Variants in PTPRZ1 observed in about 807,000 individuals in gnomAD.
PTPRZ1 encodes receptor-type tyrosine-protein phosphatase zeta.
A neutral mutation model predicts 214.1 loss-of-function variants in PTPRZ1; 82 were observed. The ratio of observed to expected loss-of-function variants is 0.38; its 90% CI spans 0.32 to 0.46. The LOEUF is 0.46. Ranked by LOEUF, PTPRZ1 falls within the 20% of genes least tolerant of loss-of-function variation. The pLI, the probability that PTPRZ1 is intolerant of heterozygous loss-of-function variation, is 1.00. For missense variants in PTPRZ1, 2,603 were observed against 2,748.7 expected, an observed-to-expected ratio of 0.95 and a Z score of 1.19; for synonymous variants, 945 against 987.9, an observed-to-expected ratio of 0.96 and a Z score of 0.81.
At chr7:121,876,147 A>C (rs1468870170) in intron 1 of PTPRZ1, among the ~76,000 whole-genome samples, 1 of 152,206 alleles carries the variant, frequency 6.6e-6, no homozygotes, top group Non-Finnish European at 1.5e-5. Flanking sequence ...TAATAGACCA[A>C]CTGCTTCTTT....
chr7:122,036,743 A>T, intron 18 of PTPRZ1, 61 bp downstream of exon 18: 1 of 1,163,850 alleles, frequency 8.6e-7, no homozygotes, highest in Non-Finnish European at 1.3e-6. Flanking sequence ...ATTATACCAT[A>T]ATGCCATACA....
At chr7:122,031,616 T>G in intron 15 of PTPRZ1, 57 bp downstream of exon 15, 2 of 1,253,416 alleles carry the variant, frequency 1.6e-6, no homozygotes, top group Admixed American at 2.0e-5. Flanking sequence ...ATTTAAAAGA[T>G]TCAGCAATAG....
Position 122,011,600 on chromosome 7 carries a change from G to A in PTPRZ1, c.2554G>A (p.Asp852Asn). ...LPQVTSATES[D>N]KVPLHASLPV... is the part of the protein sequence containing the mutation. Reference sequence around the variant, plus strand: ...ACAAGTTACTTCAGCTACCGAGAGTGATAAGGTGCCCTTGCATGCTTCTCT... The same window carrying A: ...ACAAGTTACTTCAGCTACCGAGAGTAATAAGGTGCCCTTGCATGCTTCTCT... The change falls in exon 12 of 30, where the codon GAT becomes AAT. Residue 852 changes from aspartate to asparagine, a missense_variant. Asp to Asn is a conservative substitution (Grantham distance 23). Coordinates refer to ENST00000393386, the MANE Select transcript of PTPRZ1 (RefSeq NM_002851.3). The A allele has an allele frequency of 6.2e-7, 1 of 1,614,060 alleles. No individual in the cohort carries two copies. The highest frequency in any genetic ancestry group is 2.2e-5 in the East Asian group (1 of 44,874).
chr7:122,040,755 TG>T, intron 20 of PTPRZ1, 60 bp from the exon 21 acceptor site: 4 of 822,392 alleles, frequency 4.9e-6, no homozygotes. Context: ...TGTGTGTGTG[TG>T]TGTGTGTGTG....
rs989073307 is a variant in PTPRZ1, at chr7:122,038,738, G to C, written c.5368-17G>C. On this transcript the variant is annotated splice_polypyrimidine_tract_variant and intron_variant, in intron 18 of 29. Coordinates refer to ENST00000393386, the MANE Select transcript of PTPRZ1 (RefSeq NM_002851.3). Reference sequence around the variant, plus strand: ...ATAAATCAGTTAGTAGGAAACATTTGTCATTTAATTCTTCAGGGCTACAAC... The same window carrying C: ...ATAAATCAGTTAGTAGGAAACATTTCTCATTTAATTCTTCAGGGCTACAAC... The C allele has an allele frequency of 1.9e-6, 3 of 1,610,842 alleles. No homozygotes were observed. The highest frequency in any genetic ancestry group is 1.7e-6 in the Non-Finnish European group (2 of 1,177,932).
intron 23 of PTPRZ1, among the ~76,000 whole-genome samples, chr7:122,047,218 A>T (rs1792020152): frequency 6.6e-6 from 1 of 152,214 alleles, no homozygotes. Context: ...ACACCAGATT[A>T]CAGGGAGTTA....
chr7:121,923,272 G>A (rs887936064), intron 1 of PTPRZ1, among the ~76,000 whole-genome samples: 2 of 152,068 alleles, frequency 1.3e-5, no homozygotes, highest in African/African-American at 4.8e-5. Flanking sequence ...CTAGACTTCT[G>A]CTATCAACTG....
intron 1 of PTPRZ1, among the ~76,000 whole-genome samples, chr7:121,877,321 A>G (rs1794092190): frequency 6.6e-6 from 1 of 152,158 alleles, no homozygotes; most frequent in Non-Finnish European, 1.5e-5. Flanking sequence ...TTTCATTCCC[A>G]GGATCAATTT....
chr7:122,052,116 T>C (rs1792205194), intron 25 of PTPRZ1, among the ~76,000 whole-genome samples, 177 bp downstream of exon 25: 1 of 152,180 alleles, frequency 6.6e-6, no homozygotes, highest in African/African-American at 2.4e-5. Context: ...CATGCTTTTA[T>C]GTGTGCTGGG....
chr7:121,926,864 A>G (rs774171145), intron 1 of PTPRZ1, among the ~76,000 whole-genome samples: 1 of 152,212 alleles, frequency 6.6e-6, no homozygotes, highest in Non-Finnish European at 1.5e-5. Context: ...TATATAGCCA[A>G]TAGAATATTT....
chr7:122,010,329 C>A lies in PTPRZ1; in HGVS notation c.1288-5C>A, dbSNP rs763212113. On this transcript the variant is annotated splice_polypyrimidine_tract_variant and splice_region_variant and intron_variant, in intron 11 of 29. Transcript: ENST00000393386. ...GACTCATTAAATCTTGTTTGCTTTTCAAAGGAGGAGGAAGAGGGAAAAGAC... is the reference window on the plus strand; with the variant it reads ...GACTCATTAAATCTTGTTTGCTTTTAAAAGGAGGAGGAAGAGGGAAAAGAC... The A allele has an allele frequency of 1.3e-6, 2 of 1,587,174 alleles. No individual in the cohort carries two copies. The highest frequency in any genetic ancestry group is 1.7e-6 in the Non-Finnish European group (2 of 1,171,192).
chr7:121,973,335 A>G (rs1797313936), intron 4 of PTPRZ1, among the ~76,000 whole-genome samples: 1 of 152,174 alleles, frequency 6.6e-6, no homozygotes, highest in Non-Finnish European at 1.5e-5. Context: ...TACATATAAA[A>G]GGCTCATGAT....
In PTPRZ1 at chr7:122,013,264, C is replaced by T; in HGVS notation, c.4218C>T (p.Ala1406=). ...CAACTTCTGAGCTGAGTCATAGTGC[C>T]AAATCTGATGCCGGTTTAGTGGGTG... ...SKATSELSHS[A]KSDAGLVGGG... is the part of the protein sequence containing the mutation. Residue 1406 remains alanine, a synonymous_variant, in exon 12 of 30, where the codon GCC becomes GCT. Transcript: ENST00000393386. 6.2e-7 allele frequency: 1 copy of T among 1,614,056 alleles called. No homozygotes were observed.
intron 22 of PTPRZ1, among the ~76,000 whole-genome samples, chr7:122,043,347 A>C (rs2150480947): frequency 6.6e-6 from 1 of 152,306 alleles, no homozygotes; most frequent in East Asian, 1.9e-4. Context: ...AGTGGTCCAC[A>C]CACATCCTTG....
chr7:122,019,831 C>G (rs534903977), intron 13 of PTPRZ1, among the ~76,000 whole-genome samples: 4 of 152,218 alleles, frequency 2.6e-5, no homozygotes, highest in Non-Finnish European at 2.9e-5. Flanking sequence ...TATAGCTTCG[C>G]TGTCAATAAT....
At chr7:121,918,707 C>T (rs1218757147) in intron 1 of PTPRZ1, among the ~76,000 whole-genome samples, 1 of 151,804 alleles carries the variant, frequency 6.6e-6, no homozygotes, top group African/African-American at 2.4e-5. Flanking sequence ...AACAAAAACT[C>T]ATCAAATATT....
At chr7:122,008,956 T>C (rs1425347972) in intron 11 of PTPRZ1, among the ~76,000 whole-genome samples, 1 of 152,138 alleles carries the variant, frequency 6.6e-6, no homozygotes, top group Non-Finnish European at 1.5e-5. Flanking sequence ...ATTATAGGAA[T>C]ATTTTATTTA....
chr7:121,958,350 T>G (rs1796774495), intron 2 of PTPRZ1, among the ~76,000 whole-genome samples: 1 of 152,174 alleles, frequency 6.6e-6, no homozygotes, highest in African/African-American at 2.4e-5. Flanking sequence ...TGAAACCATG[T>G]TTCTATGACT....
intron 14 of PTPRZ1, among the ~76,000 whole-genome samples, 167 bp from the exon 15 acceptor site, chr7:122,031,307 A>G (rs1799363117): frequency 6.6e-6 from 1 of 152,082 alleles, no homozygotes; most frequent in South Asian, 2.1e-4. Context: ...GTTTTGATTG[A>G]TAATAAATGT....
Sources: gnomAD v4.1 joint callset for allele counts (sites outside exome capture counted in the v4.1 genomes callset) on GRCh38, gnomAD v4.1.1 for gene constraint, MANE v1.5 for transcripts, NCBI Gene and HGNC (gene_info 2026-07-23, HGNC 2026-07-21) for gene names.